The following PLEKHM3 variants were observed in gnomAD, a reference collection of about 807,000 sequenced individuals.
PLEKHM3 encodes the protein pleckstrin homology domain-containing family M member 3.
Under a neutral mutation model 81.8 loss-of-function variants are expected in PLEKHM3, and 45 were observed. The ratio of observed to expected loss-of-function variants is 0.55; its 90% CI spans 0.43 to 0.71. The LOEUF is 0.71. Ranked by LOEUF, PLEKHM3 falls within the 30% of genes least tolerant of loss-of-function variation. The probability of loss-of-function intolerance (pLI) is 0.00; values close to 1 mark genes in which losing one functional copy is unlikely to be tolerated. For synonymous variants in PLEKHM3, 352 were observed against 356.4 expected (o/e 0.99, Z 0.14); for missense variants, 788 against 924.3 (o/e 0.85, Z 1.91).
At chr2:207,961,203 G>A (rs1452911571) in intron 3 of PLEKHM3, among the ~76,000 whole-genome samples, 1 of 152,094 alleles carries the variant, frequency 6.6e-6, no homozygotes. Flanking sequence ...CTATTATTTT[G>A]TCTGGTCTGG....
At chr2:207,886,675 G>A (rs545227216) in intron 6 of PLEKHM3, among the ~76,000 whole-genome samples, 82 of 152,194 alleles carry the variant, frequency 5.4e-4, no homozygotes, top group African/African-American at 1.5e-3. Flanking sequence ...TACCAGCACC[G>A]GAATGAAACT....
chr2:207,859,604 G>GTT (rs796755920), intron 7 of PLEKHM3, among the ~76,000 whole-genome samples: 2 of 138,088 alleles, frequency 1.4e-5, no homozygotes, highest in African/African-American at 2.6e-5. Flanking sequence ...TGTGCATTTT[G>GTT]TTTTTTTTTT....
intron 6 of PLEKHM3, among the ~76,000 whole-genome samples, chr2:207,865,110 C>T (rs975316357): frequency 6.6e-6 from 1 of 151,936 alleles, no homozygotes; most frequent in Non-Finnish European, 1.5e-5. Flanking sequence ...GTTGCATCAC[C>T]CAGGGCTCCT....
intron 3 of PLEKHM3, among the ~76,000 whole-genome samples, chr2:207,949,101 G>GTA (rs915275188): frequency 1.2e-4 from 19 of 152,112 alleles, no homozygotes; most frequent in African/African-American, 4.1e-4. Flanking sequence ...CACATAAACT[G>GTA]TATATATATA....
Position 207,976,530 on chromosome 2 carries a change from TA to T in PLEKHM3, c.1546+120del. 1 of 945,168 alleles carries T rather than the reference TA, an allele frequency of 1.1e-6. No individual in the cohort carries two copies. Among genetic ancestry groups the T allele is most frequent in the Non-Finnish European group, 1.5e-6 (1 of 646,026 alleles). The allele number at this position is 945,168 out of a possible 1,614,324, so 58.5% of individuals were successfully genotyped here. A position where few individuals can be genotyped will look rare whatever the true frequency, so the allele number is the denominator to read the frequency against. On this transcript the variant is annotated intron_variant, in intron 3 of 7. Coordinates refer to ENST00000427836, the MANE Select transcript of PLEKHM3 (RefSeq NM_001080475.3). This position sits in a 1 kb window ranked among gnomAD's most constrained non-coding sequence, Gnocchi z 4.1. ...ATACAGTAAGCTTCTCGAGGAGAGA[TA>T]CTTTTTATAAACAGGAGATAGCTGT... is the stretch of plus-strand genomic sequence containing the variant.
Position 207,946,528 on chromosome 2 carries a change from G to A in PLEKHM3, c.1547-16C>T. ...CGCTGGCAGCCTGTTCAAGGAAAAA[G>A]GAAGAGTCTATGATTGCTGTTGTAC... On this transcript the variant is annotated splice_polypyrimidine_tract_variant and intron_variant, in intron 3 of 7. Coordinates refer to ENST00000427836, the MANE Select transcript of PLEKHM3 (RefSeq NM_001080475.3). 1 of 1,612,968 alleles carries A rather than the reference G, an allele frequency of 6.2e-7. No homozygotes were observed. Among genetic ancestry groups the A allele is most frequent in the Non-Finnish European group, 8.5e-7 (1 of 1,179,400 alleles).
rs1487396848 is a variant in PLEKHM3, at chr2:207,878,114, AT to A, written c.1951-16853del. On this transcript the variant is annotated intron_variant, in intron 6 of 7. Coordinates refer to ENST00000427836, the MANE Select transcript of PLEKHM3 (RefSeq NM_001080475.3). ...CCACCATGCTCGACTAATTTTAAAA[AT>A]TTTTTGGAGATAAGGTCTCCCTATA... Among the ~76,000 whole-genome samples the A allele has an allele frequency of 3.9e-5, 6 of 152,202 alleles. No individual in the cohort carries two copies. In the East Asian group the frequency reaches 1.2e-3, roughly 29 times the overall value.
intron 3 of PLEKHM3, among the ~76,000 whole-genome samples, chr2:207,957,946 TG>T (rs1690577065): frequency 6.6e-6 from 1 of 152,098 alleles, no homozygotes; most frequent in Non-Finnish European, 1.5e-5. Flanking sequence ...ATCTTAAGGA[TG>T]AAGGCAAGGA....
At chr2:207,892,329 C>G (rs1415933035) in intron 6 of PLEKHM3, among the ~76,000 whole-genome samples, 2 of 152,158 alleles carry the variant, frequency 1.3e-5, no homozygotes, top group African/African-American at 2.4e-5. Context: ...ACACAGCATA[C>G]CATTTACCAT....
chr2:208,017,956 C>T (rs1369568217), intron 1 of PLEKHM3, among the ~76,000 whole-genome samples: 1 of 152,150 alleles, frequency 6.6e-6, no homozygotes, highest in African/African-American at 2.4e-5. Flanking sequence ...TTCCTATGCC[C>T]ATATCGTAAA....
At position 207,823,554 on chromosome 2, in the gene PLEKHM3, C is replaced by T. The variant is rs2092231799; in HGVS notation, c.*4765G>A. 2 of 152,188 alleles carry T rather than the reference C, an allele frequency of 1.3e-5. No individual in the cohort carries two copies. The highest frequency in any genetic ancestry group is 1.3e-4 in the Admixed American group (2 of 15,282). The allele number at this position is 152,188 out of a possible 1,614,324, so 9.4% of individuals were successfully genotyped here. ...CTGACCTCAAGTGATTCACCCACCT[C>T]GGCCTTCAAAGTGTTGGGATTACAG... is the stretch of plus-strand genomic sequence containing the variant. On this transcript the variant is annotated 3_prime_UTR_variant, in exon 8 of 8. Transcript: ENST00000427836.
intron 6 of PLEKHM3, among the ~76,000 whole-genome samples, chr2:207,893,586 T>G (rs1688130161): frequency 6.6e-6 from 1 of 152,112 alleles, no homozygotes; most frequent in Non-Finnish European, 1.5e-5. Context: ...CTTTGACAAG[T>G]GTATATGTCA....
At chr2:207,986,481 G>T (rs1691723929) in intron 2 of PLEKHM3, among the ~76,000 whole-genome samples, 1 of 152,054 alleles carries the variant, frequency 6.6e-6, no homozygotes, top group Non-Finnish European at 1.5e-5. Context: ...AGGAAACAGG[G>T]TTTACAACTG....
chr2:207,922,357 T>C (rs564514697), intron 5 of PLEKHM3, among the ~76,000 whole-genome samples: 4 of 152,258 alleles, frequency 2.6e-5, no homozygotes, highest in African/African-American at 7.2e-5. Flanking sequence ...ATTATCTTTA[T>C]ATACAGTAAA....
At chr2:207,850,664 A>G (rs1247471605) in intron 7 of PLEKHM3, among the ~76,000 whole-genome samples, 1 of 152,244 alleles carries the variant, frequency 6.6e-6, no homozygotes, top group African/African-American at 2.4e-5. Flanking sequence ...AGGGATCTTA[A>G]TAACGAGAGA....
In PLEKHM3 at chr2:207,821,750, A is replaced by G. The variant is rs2092218810; in HGVS notation, c.*6569T>C. 1 of 151,924 alleles carries G rather than the reference A, an allele frequency of 6.6e-6. No individual in the cohort carries two copies. Among genetic ancestry groups the G allele is most frequent in the African/African-American group, 2.4e-5 (1 of 41,378 alleles). 9.4% of individuals were successfully genotyped at this position (151,924 alleles called of 1,614,324 possible). A position where few individuals can be genotyped will look rare whatever the true frequency, so the allele number is the denominator to read the frequency against. On this transcript the variant is annotated 3_prime_UTR_variant, in exon 8 of 8. Coordinates refer to ENST00000427836, the MANE Select transcript of PLEKHM3 (RefSeq NM_001080475.3). ...CCTTTAAAAAAAAAAGTATATATAT[A>G]TATTTTTCAAAGAGATGAGGGTCTC...
intron 7 of PLEKHM3, among the ~76,000 whole-genome samples, chr2:207,859,810 CTGGTCT>C (rs2092457455): frequency 6.6e-6 from 1 of 151,858 alleles, no homozygotes; most frequent in African/African-American, 2.4e-5. Context: ...GTTGGCCAGG[CTGGTCT>C]TGAACCCCTG....
chr2:207,922,284 G>C (rs1559237850), intron 5 of PLEKHM3, among the ~76,000 whole-genome samples: 3 of 152,106 alleles, frequency 2.0e-5, no homozygotes, highest in African/African-American at 7.2e-5. Context: ...CTATCTAAAA[G>C]GGCTGCTGTA....
At chr2:208,004,779 T>C (rs1376927141) in intron 1 of PLEKHM3, among the ~76,000 whole-genome samples, 1 of 152,190 alleles carries the variant, frequency 6.6e-6, no homozygotes, top group Admixed American at 6.5e-5. Flanking sequence ...TGATCTCCCT[T>C]ACTCTGCTTC....
Sources: allele counts gnomAD v4.1 joint callset (sites outside exome capture counted in the v4.1 genomes callset), GRCh38; gene constraint gnomAD v4.1.1; non-coding constraint Gnocchi (gnomAD v3.1); transcripts MANE v1.5; gene names NCBI Gene and HGNC (gene_info 2026-07-23, HGNC 2026-07-21).